SHANK2: variants seen among roughly 807,000 people sequenced by gnomAD.
SHANK2 encodes SH3 and multiple ankyrin repeat domains protein 2.
Under a neutral mutation model 133.7 loss-of-function variants are expected in SHANK2, and 43 were observed. The observed-to-expected ratio is 0.32, with a 90% CI of 0.25 to 0.41. SHANK2 has a LOEUF of 0.41. Ranked by LOEUF, SHANK2 falls within the 10% of genes least tolerant of loss-of-function variation. SHANK2 has a pLI of 1.00. For synonymous variants in SHANK2, 1,017 were observed against 952.8 expected (o/e 1.07, Z -1.24); for missense variants, 1,994 against 2,235.8 (o/e 0.89, Z 2.18).
chr11:70,663,374 C>T (rs142296323), intron 15 of SHANK2, among the ~76,000 whole-genome samples: 6 of 152,226 alleles, frequency 3.9e-5, no homozygotes, highest in African/African-American at 1.4e-4. Flanking sequence ...TGACAGGGCT[C>T]AGTATCCTGG....
chr11:70,607,600 C>T (rs4980543), intron 17 of SHANK2, among the ~76,000 whole-genome samples: 74,244 of 152,120 alleles, frequency 0.49, 18,217 homozygotes, highest in Admixed American at 0.58. Context: ...TGCCTGTGGC[C>T]GTCAGCAAAC....
At chr11:71,211,834 C>A (rs567161509) in intron 2 of SHANK2, among the ~76,000 whole-genome samples, 189 of 152,060 alleles carry the variant, frequency 1.2e-3, no homozygotes, top group African/African-American at 4.3e-3. Context: ...TTTTTCACTT[C>A]TTTTGAGAAA....
chr11:71,172,539 A>G (rs1172336453), intron 2 of SHANK2, among the ~76,000 whole-genome samples: 15 of 147,476 alleles, frequency 1.0e-4, no homozygotes, highest in Non-Finnish European at 2.1e-4. Context: ...CAGAGGTTGC[A>G]GTGAGCTGAG....
chr11:70,612,949 G>A (rs142782135), intron 17 of SHANK2, among the ~76,000 whole-genome samples: 311 of 152,274 alleles, frequency 2.0e-3, no homozygotes, highest in Non-Finnish European at 3.4e-3. Flanking sequence ...TGTACTCCAC[G>A]TGTGAGCAAC....
chr11:70,832,606 C>T (rs909889940), intron 11 of SHANK2, among the ~76,000 whole-genome samples: 2 of 152,182 alleles, frequency 1.3e-5, no homozygotes, highest in Non-Finnish European at 2.9e-5. Flanking sequence ...TGAGTCCTAG[C>T]TTTTTTTCTG....
intron 17 of SHANK2, among the ~76,000 whole-genome samples, chr11:70,615,171 G>A (rs1246213201): frequency 6.6e-6 from 1 of 152,126 alleles, no homozygotes; most frequent in Non-Finnish European, 1.5e-5. Context: ...AGTAGGGGGT[G>A]GAGAACAGTG....
chr11:70,811,620 A>G (rs552679170), intron 12 of SHANK2, among the ~76,000 whole-genome samples: 29 of 144,908 alleles, frequency 2.0e-4, no homozygotes, highest in Admixed American at 4.8e-4. Flanking sequence ...TCATCTACCT[A>G]TCCATCATCC....
rs185920003 is a variant in SHANK2 at position 70,653,369 on chromosome 11, C to T, written c.2061+6459G>A. Among the ~76,000 whole-genome samples the T allele has an allele frequency of 1.4e-3, 213 of 152,270 alleles. 2 individuals carry two copies. The highest frequency in any genetic ancestry group is 4.9e-3 in the African/African-American group (205 of 41,550). ...CTCTAACAACTGTTCTTCACACCAGCTTGGTTGCAAAGTCAAACATGCTAG... is the reference window on the plus strand; with the variant it reads ...CTCTAACAACTGTTCTTCACACCAGTTTGGTTGCAAAGTCAAACATGCTAG... On this transcript the variant is annotated intron_variant, in intron 17 of 25. Coordinates refer to ENST00000601538, the MANE Select transcript of SHANK2 (RefSeq NM_012309.5).
At chr11:70,644,566 A>C (rs967470874) in intron 17 of SHANK2, among the ~76,000 whole-genome samples, 5 of 152,252 alleles carry the variant, frequency 3.3e-5, no homozygotes, top group African/African-American at 1.2e-4. Context: ...GGGCAGGACC[A>C]GCAGCCCTCC....
intron 14 of SHANK2, among the ~76,000 whole-genome samples, chr11:70,744,865 G>T (rs113585216): frequency 3.9e-5 from 6 of 152,306 alleles, no homozygotes; most frequent in Non-Finnish European, 7.4e-5. Flanking sequence ...CCTCTTGAGC[G>T]ATAAGCACTG....
At chr11:70,572,597 C>T (rs2060059398) in intron 17 of SHANK2, among the ~76,000 whole-genome samples, 1 of 152,132 alleles carries the variant, frequency 6.6e-6, no homozygotes, top group African/African-American at 2.4e-5. Flanking sequence ...CTCTGTTCCC[C>T]ACAACATTCC....
chr11:70,798,250 G>A (rs78363342), intron 14 of SHANK2, among the ~76,000 whole-genome samples, 193 bp downstream of exon 14: 2,260 of 152,260 alleles, frequency 0.015, 62 homozygotes, highest in African/African-American at 0.052. Flanking sequence ...ATCTTGTAAG[G>A]AATTTCTGGT....
intron 17 of SHANK2, among the ~76,000 whole-genome samples, chr11:70,597,180 T>C (rs2060413087): frequency 1.3e-5 from 2 of 152,066 alleles, no homozygotes; most frequent in South Asian, 4.1e-4. Flanking sequence ...GAGCCCATGA[T>C]TACTCCTGGC....
intron 2 of SHANK2, among the ~76,000 whole-genome samples, chr11:71,204,546 G>C (rs924125412): frequency 7.2e-5 from 11 of 152,298 alleles, no homozygotes; most frequent in African/African-American, 2.6e-4. Context: ...TGCGGCAAGG[G>C]ACTCCCCAGG....
At position 70,487,860 on chromosome 11, in the gene SHANK2, A is replaced by G; in HGVS notation, c.2573-140T>C. 1 of 1,509,354 alleles carries G rather than the reference A, an allele frequency of 6.6e-7. No individual in the cohort carries two copies. Among genetic ancestry groups the G allele is most frequent in the Admixed American group, 2.0e-5 (1 of 50,768 alleles). 93.5% of individuals were successfully genotyped at this position (1,509,354 alleles called of 1,614,324 possible). ...ATGTTCAGGAAACACAGCACAAGCC[A>G]CGATGCCGAGTGGTTAGTCACATGG... On this transcript the variant is annotated intron_variant, in intron 24 of 25. Transcript: ENST00000601538. This position sits in a 1 kb window ranked among gnomAD's most constrained non-coding sequence, Gnocchi z 5.8.
chr11:71,097,961 C>T (rs992485397), intron 6 of SHANK2, among the ~76,000 whole-genome samples: 5 of 149,608 alleles, frequency 3.3e-5, no homozygotes, highest in African/African-American at 7.4e-5. Flanking sequence ...TCTGTGCATG[C>T]CTGTGTGTGC....
intron 1 of SHANK2, among the ~76,000 whole-genome samples, chr11:71,238,813 C>T (rs1555124033): frequency 6.6e-6 from 1 of 152,224 alleles, no homozygotes; most frequent in Admixed American, 6.5e-5. Flanking sequence ...TGTCCCTATG[C>T]TGACTGCACC....
At chr11:70,497,830 A>C (rs1465621009) in intron 21 of SHANK2, among the ~76,000 whole-genome samples, 1 of 152,250 alleles carries the variant, frequency 6.6e-6, no homozygotes, top group African/African-American at 2.4e-5. Flanking sequence ...AGGACCACCC[A>C]GGCACCTGGT....
intron 17 of SHANK2, among the ~76,000 whole-genome samples, chr11:70,610,397 G>T (rs183390153): frequency 6.6e-6 from 1 of 152,062 alleles, no homozygotes; most frequent in Non-Finnish European, 1.5e-5. Flanking sequence ...CTAATGTTGT[G>T]ACCTGCTCCT....
Sources: gnomAD v4.1 joint callset for allele counts (sites outside exome capture counted in the v4.1 genomes callset) on GRCh38, gnomAD v4.1.1 for gene constraint, Gnocchi (gnomAD v3.1) non-coding constraint, MANE v1.5 for transcripts, NCBI Gene and HGNC (gene_info 2026-07-23, HGNC 2026-07-21) for gene names.